Variants in ZNF608 observed in about 807,000 individuals in gnomAD.
ZNF608 encodes the protein renal carcinoma antigen NY-REN-36.
In ZNF608, 12 loss-of-function variants were observed where a neutral mutation model predicts 109.0. The observed-to-expected ratio is 0.11, with a 90% CI of 0.07 to 0.18. The LOEUF is 0.18. Among genes scored for constraint, ZNF608 ranks in the 10% least tolerant of loss-of-function variants. The pLI, the probability that ZNF608 is intolerant of heterozygous loss-of-function variation, is 1.00. For synonymous variants in ZNF608, 732 were observed against 717.4 expected (o/e 1.02, Z -0.33); for missense variants, 1,707 against 1,879.3 (o/e 0.91, Z 1.70).
chr5:124,744,324 C>T lies in ZNF608; in HGVS notation c.666G>A (p.Gln222=). The change falls in exon 2 of 10, where the codon CAG becomes CAA. Residue 222 remains glutamine (Q), a synonymous_variant. Transcript: ENST00000513986. The surrounding 1 kb of genome is among the most constrained non-coding windows in gnomAD (Gnocchi z 4.5). ...AAGGGGCCTGGCTGCCACTGCCATT[C>T]TGGTGGCCCTGAAGCAGGTCGTGCT... ...KDKHDLLQGH[Q]NGSGSQAPSG... The T allele has an allele frequency of 6.2e-7, 1 of 1,614,194 alleles. No homozygotes were observed. The highest frequency in any genetic ancestry group is 8.5e-7 in the Non-Finnish European group (1 of 1,180,034).
chr5:124,697,795 C>T (rs1056299043), intron 3 of ZNF608, among the ~76,000 whole-genome samples: 3 of 152,152 alleles, frequency 2.0e-5, no homozygotes, highest in East Asian at 1.9e-4. Flanking sequence ...TCCAGTCTTG[C>T]GATTCCCAAC....
At chr5:124,697,837 T>TC (rs1297007569) in intron 3 of ZNF608, among the ~76,000 whole-genome samples, 7 of 152,040 alleles carry the variant, frequency 4.6e-5, no homozygotes, top group Admixed American at 2.0e-4. Flanking sequence ...TATTCAATAT[T>TC]CCCCCCAAAG....
chr5:124,718,956 T>C (rs1172763427), intron 2 of ZNF608, among the ~76,000 whole-genome samples: 1 of 152,170 alleles, frequency 6.6e-6, no homozygotes, highest in African/African-American at 2.4e-5. Flanking sequence ...AAATCAGAAA[T>C]TTTGTAAAAT....
chr5:124,649,624 G>T lies in ZNF608; in HGVS notation c.1236C>A (p.Asp412Glu). The T allele has an allele frequency of 6.2e-7, 1 of 1,612,254 alleles. No homozygotes were observed. Among genetic ancestry groups the T allele is most frequent in the Non-Finnish European group, 8.5e-7 (1 of 1,179,174 alleles). ...CCTGTTCATACCTGGGAGGGGCCCA[G>T]TCGTGCTTGGTGCAGTCCAGTAGGG... is the stretch of plus-strand genomic sequence containing the variant. Reference protein sequence around the residue: ...VGTLLDCTKHDWAPPRFCESP... With the variant: ...VGTLLDCTKHEWAPPRFCESP... Residue 412 changes from aspartate to glutamate, a missense_variant, in exon 4 of 10, where the codon GAC becomes GAA. This residue lies in a region of ZNF608 where 166 missense variants were observed against 204.2 expected (regional missense o/e 0.81). Coordinates refer to ENST00000513986, the MANE Select transcript of ZNF608 (RefSeq NM_020747.3).
chr5:124,748,504 A>C (rs760389025), upstream of ZNF608: 1 of 983,250 alleles, frequency 1.0e-6, no homozygotes, highest in Non-Finnish European at 1.2e-6. Context: ...TAAGTGCTAT[A>C]TAGAGACACA....
At chr5:124,680,695 CAT>C (rs1221828095) in intron 3 of ZNF608, among the ~76,000 whole-genome samples, 1 of 152,086 alleles carries the variant, frequency 6.6e-6, no homozygotes, top group Middle Eastern at 3.4e-3. Context: ...AAATCACACA[CAT>C]AAACAAAAAA....
intron 2 of ZNF608, among the ~76,000 whole-genome samples, chr5:124,708,982 A>G (rs1349340653): frequency 4.0e-5 from 6 of 151,498 alleles, no homozygotes; most frequent in Admixed American, 2.0e-4. Context: ...GACCAGCCTG[A>G]CCAACATGGA....
rs751982082 is a variant in ZNF608, at chr5:124,647,731, T to C, written c.2653A>G (p.Lys885Glu). 1.9e-6 allele frequency: 3 copies of C among 1,614,132 alleles called. No homozygotes were observed. The highest frequency in any genetic ancestry group is 1.6e-4 in the Middle Eastern group (1 of 6,062). The change falls in exon 5 of 10, where the codon AAG becomes GAG. Residue 885 changes from lysine to glutamate, a missense_variant. Lys to Glu is a moderately conservative substitution (Grantham distance 56). Transcript: ENST00000513986. ...RMASIKAEAD[K>E]VYTFTDNAPS... ...GCGTTGTCTGTGAAAGTGTAAACCT[T>C]ATCGGCCTCAGCTTTGATACTGGCC...
intron 5 of ZNF608, 82 bp from the exon 6 acceptor site, chr5:124,644,743 T>G: frequency 3.4e-6 from 4 of 1,174,138 alleles, no homozygotes; most frequent in South Asian, 3.2e-5. Flanking sequence ...TTAATAATCA[T>G]GACAGCACTA....
At chr5:124,691,615 G>A (rs191899048) in intron 3 of ZNF608, among the ~76,000 whole-genome samples, 7 of 152,056 alleles carry the variant, frequency 4.6e-5, no homozygotes, top group South Asian at 2.1e-4. Context: ...AAGAAAATGC[G>A]GAATATACAC....
At chr5:124,720,716 A>T (rs1416939439) in intron 2 of ZNF608, among the ~76,000 whole-genome samples, 1 of 152,104 alleles carries the variant, frequency 6.6e-6, no homozygotes, top group African/African-American at 2.4e-5. Flanking sequence ...GCCGCACTTC[A>T]TGTTCTTACA....
intron 3 of ZNF608, among the ~76,000 whole-genome samples, chr5:124,680,680 A>C (rs955835110): frequency 2.0e-5 from 3 of 152,230 alleles, no homozygotes; most frequent in African/African-American, 7.2e-5. Context: ...AAAAATACAC[A>C]TGACAAATCA....
intron 2 of ZNF608, among the ~76,000 whole-genome samples, chr5:124,701,664 C>T (rs1285831881): frequency 1.3e-5 from 2 of 152,112 alleles, no homozygotes; most frequent in Non-Finnish European, 1.5e-5. Context: ...CCAGTAAACA[C>T]TAAAAATTTA....
chr5:124,688,298 C>A (rs904634172), intron 3 of ZNF608, among the ~76,000 whole-genome samples: 4 of 152,110 alleles, frequency 2.6e-5, no homozygotes, highest in Admixed American at 2.6e-4. Context: ...TGAGGCAGAG[C>A]CCAGCCGTGT....
In ZNF608 at chr5:124,647,389, T is replaced by C; in HGVS notation, c.2995A>G (p.Ser999Gly). 6.2e-7 allele frequency: 1 copy of C among 1,614,212 alleles called. No homozygotes were observed. The highest frequency in any genetic ancestry group is 8.5e-7 in the Non-Finnish European group (1 of 1,180,034). ...LKESHSPYYH[S>G]YDPYYSPSYM... ...CTTGGAGAATAATAAGGATCATAGC[T>C]GTGGTAATAGGGAGAATGGGACTCT... Residue 999 changes from serine to glycine, a missense_variant, in exon 5 of 10, where the codon AGC becomes GGC. Around this residue, in one of 7 missense-constraint regions of ZNF608, gnomAD observed 1,073 missense variants for 1,133.5 expected, o/e 0.95. Coordinates refer to ENST00000513986, the MANE Select transcript of ZNF608 (RefSeq NM_020747.3).
At chr5:124,651,108 G>A (rs948274099) in intron 3 of ZNF608, among the ~76,000 whole-genome samples, 3 of 152,236 alleles carry the variant, frequency 2.0e-5, no homozygotes, top group Non-Finnish European at 4.4e-5. Context: ...CAATAGGCTA[G>A]CAGGGGAAAG....
At chr5:124,685,618 GAA>G (rs763936854) in intron 3 of ZNF608, among the ~76,000 whole-genome samples, 2 of 136,124 alleles carry the variant, frequency 1.5e-5, no homozygotes, top group African/African-American at 2.7e-5. Flanking sequence ...AAATCTAGAG[GAA>G]AAAAAAAAAA....
chr5:124,678,041 C>T (rs1430953629), intron 3 of ZNF608, among the ~76,000 whole-genome samples: 1 of 152,100 alleles, frequency 6.6e-6, no homozygotes, highest in Admixed American at 6.5e-5. Context: ...TAAAGCCTTA[C>T]ATGGCTTTTG....
At chr5:124,736,000 A>G (rs1749123501) in intron 2 of ZNF608, among the ~76,000 whole-genome samples, 1 of 152,114 alleles carries the variant, frequency 6.6e-6, no homozygotes, top group Non-Finnish European at 1.5e-5. Flanking sequence ...CTTCACAGAA[A>G]AGCTAAAAGG....
Sources: allele counts gnomAD v4.1 joint callset (sites outside exome capture counted in the v4.1 genomes callset), GRCh38; gene constraint gnomAD v4.1.1; regional missense constraint gnomAD v4.1.1; non-coding constraint Gnocchi (gnomAD v3.1); transcripts MANE v1.5; gene names NCBI Gene and HGNC (gene_info 2026-07-23, HGNC 2026-07-21).